The following KSR1 variants were observed in gnomAD, a reference collection of about 807,000 sequenced individuals.
KSR1 encodes kinase suppressor of ras 1.
KSR1 carries 35 observed loss-of-function variants against 92.9 expected under a neutral mutation model. The ratio of observed to expected loss-of-function variants is 0.38; its 90% CI spans 0.29 to 0.50. The LOEUF (loss-of-function observed/expected upper bound fraction) is 0.50, where lower values mean the gene tolerates loss of function less well. Ranked by LOEUF, KSR1 falls within the 20% of genes least tolerant of loss-of-function variation. The pLI is 0.94. For synonymous variants in KSR1, 467 were observed against 472.6 expected (o/e 0.99, Z 0.15); for missense variants, 972 against 1,158.5 (o/e 0.84, Z 2.34).
At chr17:27,599,400 A>G (rs1385948597) in intron 10 of KSR1, among the ~76,000 whole-genome samples, 1 of 152,214 alleles carries the variant, frequency 6.6e-6, no homozygotes, top group African/African-American at 2.4e-5. Context: ...TCTACTAAAA[A>G]TACAAAATTA....
intron 1 of KSR1, among the ~76,000 whole-genome samples, chr17:27,506,356 A>G (rs1470665747): frequency 6.6e-6 from 1 of 152,250 alleles, no homozygotes; most frequent in African/African-American, 2.4e-5. Flanking sequence ...CTCCACTGCA[A>G]TAATTACAAG....
intron 9 of KSR1, among the ~76,000 whole-genome samples, chr17:27,593,222 G>A (rs1429539148): frequency 6.6e-6 from 1 of 152,262 alleles, no homozygotes. Context: ...GCTAGACAGA[G>A]TCTGCAAAGC....
At chr17:27,478,552 A>G (rs2150937269) in intron 1 of KSR1, among the ~76,000 whole-genome samples, 1 of 152,244 alleles carries the variant, frequency 6.6e-6, no homozygotes. Context: ...CGCTTGATAA[A>G]CATGAGCTGT....
intron 20 of KSR1, 115 bp downstream of exon 20, chr17:27,621,388 C>T (rs182596573): frequency 1.3e-5 from 5 of 396,064 alleles, no homozygotes; most frequent in Admixed American, 4.4e-5. Flanking sequence ...CATTTATTCT[C>T]GCAAACCAAA....
chr17:27,470,689 C>T (rs1025756002), intron 1 of KSR1, among the ~76,000 whole-genome samples: 1 of 152,050 alleles, frequency 6.6e-6, no homozygotes, highest in Non-Finnish European at 1.5e-5. Flanking sequence ...CCATTTAACT[C>T]CTGTTGAATG....
chr17:27,614,053 C>T (rs1190256347), intron 18 of KSR1, among the ~76,000 whole-genome samples: 1 of 152,244 alleles, frequency 6.6e-6, no homozygotes, highest in African/African-American at 2.4e-5. Flanking sequence ...CCATCTGCCT[C>T]AGCCTCCCAA....
chr17:27,462,782 CAG>C (rs1348842665), intron 1 of KSR1, among the ~76,000 whole-genome samples: 5 of 152,248 alleles, frequency 3.3e-5, no homozygotes, highest in Admixed American at 6.5e-5. Flanking sequence ...TGCCACCTCT[CAG>C]AGTTAATTCC....
intron 1 of KSR1, among the ~76,000 whole-genome samples, chr17:27,519,837 C>T (rs1334491619): frequency 1.3e-5 from 2 of 152,190 alleles, no homozygotes; most frequent in Non-Finnish European, 2.9e-5. Context: ...TGAATGTGGG[C>T]CCCACCACCT....
At chr17:27,553,847 T>C (rs2071492847) in intron 2 of KSR1, among the ~76,000 whole-genome samples, 1 of 152,254 alleles carries the variant, frequency 6.6e-6, no homozygotes, top group African/African-American at 2.4e-5. Context: ...GTTCTACCTC[T>C]GAGAGTTTCT....
intron 2 of KSR1, among the ~76,000 whole-genome samples, chr17:27,570,733 A>G (rs1173484619): frequency 6.6e-6 from 1 of 152,074 alleles, no homozygotes; most frequent in Non-Finnish European, 1.5e-5. Context: ...CCTCCTGAAC[A>G]CAGCCGTGCT....
chr17:27,604,608 C>A, intron 12 of KSR1, 72 bp from the exon 13 acceptor site: 1 of 1,459,518 alleles, frequency 6.9e-7, no homozygotes, highest in Non-Finnish European at 9.6e-7. Flanking sequence ...AGATCTCTCC[C>A]GGGAGTCCCC....
At position 27,543,729 on chromosome 17, in the gene KSR1, G is replaced by A. The variant is rs151010337; in HGVS notation, c.232-6839G>A. Among the ~76,000 whole-genome samples, 137 of 152,304 alleles carry A rather than the reference G, an allele frequency of 9.0e-4. 1 individual carries two copies. Among genetic ancestry groups the A allele is most frequent in the African/African-American group, 3.1e-3 (129 of 41,558 alleles). Reference sequence around the variant, plus strand: ...GATGTTCCTTTGGGCAAGTGGAGCCGATGTCATTTCATTCCCGTCACATCC... The same window carrying A: ...GATGTTCCTTTGGGCAAGTGGAGCCAATGTCATTTCATTCCCGTCACATCC... On this transcript the variant is annotated intron_variant, in intron 1 of 20. Coordinates refer to ENST00000644974, the MANE Select transcript of KSR1 (RefSeq NM_001394583.1).
chr17:27,550,068 C>G (rs112176176), intron 1 of KSR1, among the ~76,000 whole-genome samples: 4 of 152,174 alleles, frequency 2.6e-5, no homozygotes, highest in African/African-American at 9.7e-5. Flanking sequence ...GAGACAGGGT[C>G]TTGTTCTGTC....
intron 10 of KSR1, among the ~76,000 whole-genome samples, chr17:27,599,974 G>A (rs1278054637): frequency 6.6e-6 from 1 of 151,654 alleles, no homozygotes; most frequent in African/African-American, 2.4e-5. Context: ...TCCACATCTT[G>A]TCCCACCGGA....
chr17:27,591,238 C>T (rs137938111), intron 7 of KSR1, among the ~76,000 whole-genome samples: 80 of 152,178 alleles, frequency 5.3e-4, no homozygotes, highest in African/African-American at 1.8e-3. Flanking sequence ...GGCAGACAGG[C>T]GATGGTAAAA....
chr17:27,546,204 A>G (rs1239694859), intron 1 of KSR1, among the ~76,000 whole-genome samples: 1 of 152,166 alleles, frequency 6.6e-6, no homozygotes, highest in Admixed American at 6.5e-5. Flanking sequence ...ACTCCTGAGC[A>G]TATGTTTTAT....
chr17:27,456,950 C>G (rs2019201480), intron 1 of KSR1, 76 bp downstream of exon 1: 3 of 723,094 alleles, frequency 4.1e-6, no homozygotes, highest in African/African-American at 3.5e-5. Flanking sequence ...TACTCCTGGC[C>G]GAGTTGCATC....
At chr17:27,592,471 T>A in intron 8 of KSR1, 49 bp downstream of exon 8, 1 of 1,613,454 alleles carries the variant, frequency 6.2e-7, no homozygotes, top group Admixed American at 1.7e-5. Context: ...TGGGTGAATC[T>A]TTAGCTTGAC....
chr17:27,615,258 C>T (rs193114142), intron 18 of KSR1, among the ~76,000 whole-genome samples: 1 of 152,350 alleles, frequency 6.6e-6, no homozygotes, highest in East Asian at 1.9e-4. Flanking sequence ...ATCTTCCATG[C>T]TGTGCCTGTT....
Sources: allele counts gnomAD v4.1 joint callset (sites outside exome capture counted in the v4.1 genomes callset), GRCh38; gene constraint gnomAD v4.1.1; transcripts MANE v1.5; gene names NCBI Gene and HGNC (gene_info 2026-07-23, HGNC 2026-07-21).